PRRC2B: variants seen among roughly 807,000 people sequenced by gnomAD.
PRRC2B encodes proline rich coiled-coil 2B, also known as protein PRRC2B.
In PRRC2B, 68 loss-of-function variants were observed where a neutral mutation model predicts 242.3. That is an observed-to-expected ratio of 0.28 (90% CI 0.23 to 0.34). PRRC2B has a LOEUF of 0.34. PRRC2B is among the 10% of genes least tolerant of loss of function. The pLI is 1.00. For synonymous variants in PRRC2B, 1,228 were observed against 1,173.6 expected (o/e 1.05, Z -0.95); for missense variants, 2,835 against 2,954.8 (o/e 0.96, Z 0.94).
At chr9:131,495,554 GACGGCACTC>G (rs973796504) in intron 31 of PRRC2B, among the ~76,000 whole-genome samples, 177 bp from the exon 32 acceptor site, 66 of 152,314 alleles carry the variant, frequency 4.3e-4, no homozygotes, top group African/African-American at 1.5e-3. Context: ...AGGGAGCAGA[GACGGCACTC>G]GCGCCACTTT....
At chr9:131,465,241 T>A (rs1231942164) in intron 12 of PRRC2B, among the ~76,000 whole-genome samples, 163 bp downstream of exon 12, 1 of 152,232 alleles carries the variant, frequency 6.6e-6, no homozygotes, top group Admixed American at 6.5e-5. Context: ...GTCAAATGCC[T>A]GGGTTCTGAT....
At chr9:131,444,569 C>T (rs570684834) in intron 6 of PRRC2B, among the ~76,000 whole-genome samples, 12 of 152,198 alleles carry the variant, frequency 7.9e-5, no homozygotes, top group African/African-American at 2.4e-4. Context: ...CCTCTGTCAT[C>T]CGGTTGTTAA....
At chr9:131,458,753 T>C (rs960258553) in intron 10 of PRRC2B, among the ~76,000 whole-genome samples, 7 of 152,204 alleles carry the variant, frequency 4.6e-5, no homozygotes, top group Admixed American at 1.3e-4. Flanking sequence ...TCAGCCCGCC[T>C]CAGCCTCCCA....
At position 131,496,234 on chromosome 9, in the gene PRRC2B, C is replaced by T. The variant is rs1001076780; in HGVS notation, c.*360C>T. The T allele has an allele frequency of 4.8e-5, 10 of 208,608 alleles. No individual in the cohort carries two copies. The highest frequency in any genetic ancestry group is 8.6e-5 in the Non-Finnish European group (9 of 104,722). The allele number at this position is 208,608 out of a possible 1,614,324, so 12.9% of individuals were successfully genotyped here. ...TTCTCAGCAGTGCTTCCGGCCCAGC[C>T]GCCCATCCCTAGGCACAGTGATTTG... On this transcript the variant is annotated 3_prime_UTR_variant, in exon 32 of 32. Coordinates refer to ENST00000683519, the MANE Select transcript of PRRC2B (RefSeq NM_013318.4).
chr9:131,375,859 G>A (rs556782218), intron 1 of PRRC2B, among the ~76,000 whole-genome samples: 3 of 151,562 alleles, frequency 2.0e-5, no homozygotes, highest in Non-Finnish European at 4.4e-5. Flanking sequence ...GACCAGCCTG[G>A]CCATTGTGAT....
intron 1 of PRRC2B, among the ~76,000 whole-genome samples, chr9:131,418,274 CT>C (rs1448659967): frequency 5.3e-5 from 8 of 152,262 alleles, no homozygotes; most frequent in Non-Finnish European, 2.9e-5. Flanking sequence ...CATTTGGCCC[CT>C]GGCCCCCTCT....
intron 11 of PRRC2B, 49 bp downstream of exon 11, chr9:131,459,405 G>T (rs1454722125): frequency 1.3e-6 from 2 of 1,499,424 alleles, no homozygotes; most frequent in East Asian, 2.4e-5. Flanking sequence ...CATTGAGTTG[G>T]GTGGCTGGGT....
At chr9:131,398,856 T>C (rs1255907672) in intron 1 of PRRC2B, among the ~76,000 whole-genome samples, 5 of 152,172 alleles carry the variant, frequency 3.3e-5, no homozygotes, top group African/African-American at 1.2e-4. Context: ...CGCATGCCTG[T>C]AGTTCTAACT....
At chr9:131,439,192 A>T in intron 5 of PRRC2B, 131 bp downstream of exon 5, 1 of 735,594 alleles carries the variant, frequency 1.4e-6, no homozygotes, top group Non-Finnish European at 2.4e-6. Context: ...GGTACCGTCT[A>T]TGGAGCCCTT....
At chr9:131,492,127 C>A in intron 29 of PRRC2B, 42 bp from the exon 30 acceptor site, 1 of 1,496,726 alleles carries the variant, frequency 6.7e-7, no homozygotes, top group Non-Finnish European at 9.3e-7. Flanking sequence ...CAGCTGTCTC[C>A]AGGGCCTCAA....
chr9:131,430,072 T>TC, intron 1 of PRRC2B, 22 bp from the exon 2 acceptor site: 4 of 710,482 alleles, frequency 5.6e-6, no homozygotes, highest in Middle Eastern at 2.5e-4. Flanking sequence ...TTTTTTTTTT[T>TC]TCTTCTCTAT....
At chr9:131,413,115 G>A (rs1057333932) in intron 1 of PRRC2B, among the ~76,000 whole-genome samples, 2 of 152,144 alleles carry the variant, frequency 1.3e-5, no homozygotes, top group Admixed American at 1.3e-4. Context: ...CTACAATTTA[G>A]CCTGAATATT....
At position 131,495,988 on chromosome 9, in the gene PRRC2B, G is replaced by C; in HGVS notation, c.*114G>C. 1 of 1,403,650 alleles carries C rather than the reference G, an allele frequency of 7.1e-7. No individual in the cohort carries two copies. The highest frequency in any genetic ancestry group is 1.3e-5 in the South Asian group (1 of 75,028). 86.9% of individuals were successfully genotyped at this position (1,403,650 alleles called of 1,614,324 possible). ...ATCCACCGTCCAAATGCGTGGCCCA[G>C]ACTGAGAGACCTCCCTCCTCTCCAC... On this transcript the variant is annotated 3_prime_UTR_variant, in exon 32 of 32. Transcript: ENST00000683519.
chr9:131,400,948 G>T (rs1223660431), intron 1 of PRRC2B, among the ~76,000 whole-genome samples: 1 of 150,818 alleles, frequency 6.6e-6, no homozygotes, highest in Non-Finnish European at 1.5e-5. Context: ...TCATCCTCTT[G>T]TGGTTTCTTT....
chr9:131,385,007 TA>T (rs1836809518), intron 1 of PRRC2B, among the ~76,000 whole-genome samples: 1 of 152,082 alleles, frequency 6.6e-6, no homozygotes, highest in South Asian at 2.1e-4. Context: ...TCCTTTTAGT[TA>T]ATTAATTTAA....
At chr9:131,419,878 G>A (rs949482569) in intron 1 of PRRC2B, among the ~76,000 whole-genome samples, 1 of 151,918 alleles carries the variant, frequency 6.6e-6, no homozygotes, top group South Asian at 2.1e-4. Context: ...ACCCTGGCGC[G>A]GTGGGGGGTG....
rs201163245 is a variant in PRRC2B, at chr9:131,478,629, G to A, written c.4758+10G>A. On this transcript the variant is annotated intron_variant, in intron 18 of 31. Transcript: ENST00000683519. Reference sequence around the variant, plus strand: ...GGAGCAGGCCGTGCAGGTGAGGGGCGGAGGGTGGGGGGGCATGGGGCTGGA... The same window carrying A: ...GGAGCAGGCCGTGCAGGTGAGGGGCAGAGGGTGGGGGGGCATGGGGCTGGA... 10 of 1,489,194 alleles carry A rather than the reference G, an allele frequency of 6.7e-6. 1 individual carries two copies. The Middle Eastern group carries it at 9.1e-4, about 135-fold the overall frequency. 92.2% of individuals were successfully genotyped at this position (1,489,194 alleles called of 1,614,324 possible).
chr9:131,435,539 T>C (rs552548230), intron 3 of PRRC2B, among the ~76,000 whole-genome samples: 1 of 149,566 alleles, frequency 6.7e-6, no homozygotes, highest in South Asian at 2.1e-4. Context: ...CGCTTGAACC[T>C]GGGAGAAAGA....
At chr9:131,431,091 C>G (rs1007279922) in intron 2 of PRRC2B, among the ~76,000 whole-genome samples, 1 of 152,036 alleles carries the variant, frequency 6.6e-6, no homozygotes, top group Admixed American at 6.6e-5. Context: ...GCTGGGATTA[C>G]AGGCATGTGC....
Sources: allele counts gnomAD v4.1 joint callset (sites outside exome capture counted in the v4.1 genomes callset), GRCh38; gene constraint gnomAD v4.1.1; transcripts MANE v1.5; gene names NCBI Gene and HGNC (gene_info 2026-07-23, HGNC 2026-07-21).